GRIA3: variants seen among roughly 807,000 people sequenced by gnomAD.
GRIA3 encodes the protein glutamate ionotropic receptor AMPA type subunit 3.
A neutral mutation model predicts 63.0 loss-of-function variants in GRIA3; 3 were observed. The observed-to-expected ratio is 0.05, with a 90% CI of 0.02 to 0.12. GRIA3 has a LOEUF of 0.12. GRIA3 is among the 10% of genes least tolerant of loss of function. The pLI is 1.00. For synonymous variants in GRIA3, 274 were observed against 257.9 expected, an observed-to-expected ratio of 1.06 and a Z score of -0.60; for missense variants, 347 against 700.9, an observed-to-expected ratio of 0.50 and a Z score of 5.70.
intron 2 of GRIA3, among the ~76,000 whole-genome samples, chrX:123,213,297 T>A (rs111549252): frequency 0.015 from 1,684 of 112,502 alleles, 37 homozygotes; most frequent in African/African-American, 0.051. Context: ...GGTTGTTTCA[T>A]ATGACAGAGC....
chrX:123,286,696 C>T (rs1305544541), intron 3 of GRIA3, among the ~76,000 whole-genome samples: 1 of 111,614 alleles, frequency 9.0e-6, no homozygotes, highest in Non-Finnish European at 1.9e-5. Context: ...CACACACACC[C>T]TTCCAAGACT....
chrX:123,301,125 T>A (rs1459716439), intron 3 of GRIA3, among the ~76,000 whole-genome samples: 1 of 111,243 alleles, frequency 9.0e-6, no homozygotes, highest in African/African-American at 3.3e-5. Context: ...CATGTGCCAA[T>A]GGGAGGAATA....
At chrX:123,457,565 G>A (rs954671346) in intron 12 of GRIA3, among the ~76,000 whole-genome samples, 1 of 112,254 alleles carries the variant, frequency 8.9e-6, no homozygotes, top group Non-Finnish European at 1.9e-5. Flanking sequence ...GTGCCTAAAA[G>A]TATCTTCCCC....
intron 3 of GRIA3, 104 bp from the exon 4 acceptor site, chrX:123,325,922 T>C (rs1036327141): frequency 1.1e-5 from 7 of 661,479 alleles, no homozygotes; most frequent in Non-Finnish European, 1.7e-5. Context: ...CCATAATGGA[T>C]AAGGTTCAAA....
chrX:123,355,009 G>A, intron 5 of GRIA3, 46 bp downstream of exon 5: 1 of 948,364 alleles, frequency 1.1e-6, no homozygotes, highest in Non-Finnish European at 1.5e-6. Flanking sequence ...TATTTAGTTT[G>A]AATTTTTCTG....
chrX:123,305,047 G>T (rs1481096253), intron 3 of GRIA3, among the ~76,000 whole-genome samples: 1 of 111,313 alleles, frequency 9.0e-6, no homozygotes, highest in South Asian at 3.8e-4. Flanking sequence ...GTTCTATAAT[G>T]TTAAATATTT....
At chrX:123,437,774 T>A (rs2045653574) in intron 12 of GRIA3, among the ~76,000 whole-genome samples, 1 of 111,597 alleles carries the variant, frequency 9.0e-6, no homozygotes, top group Non-Finnish European at 1.9e-5. Context: ...CAGTAATCAC[T>A]TATGAAATCT....
intron 12 of GRIA3, among the ~76,000 whole-genome samples, chrX:123,429,689 T>C (rs1227767596): frequency 2.7e-5 from 3 of 111,113 alleles, no homozygotes; most frequent in East Asian, 2.8e-4. Context: ...ACCATCCCAA[T>C]AGGCATGAAG....
chrX:123,192,722 A>G (rs963505280), intron 2 of GRIA3, among the ~76,000 whole-genome samples: 1 of 111,776 alleles, frequency 8.9e-6, no homozygotes, highest in African/African-American at 3.3e-5. Context: ...GCAGGGGAGC[A>G]AGGATAAGAA....
At chrX:123,266,102 A>G (rs112795897) in intron 3 of GRIA3, among the ~76,000 whole-genome samples, 5,416 of 112,093 alleles carry the variant, frequency 0.048, 316 homozygotes, top group African/African-American at 0.17. Context: ...CCTTAAAATA[A>G]AAGGAGTATT....
chrX:123,219,815 A>G (rs1036903046), intron 2 of GRIA3, among the ~76,000 whole-genome samples: 3 of 112,547 alleles, frequency 2.7e-5, no homozygotes, highest in Non-Finnish European at 3.8e-5. Context: ...CACAATTTCA[A>G]AGCTACTGAG....
At chrX:123,231,149 G>C (rs1441767181) in intron 2 of GRIA3, among the ~76,000 whole-genome samples, 1 of 111,776 alleles carries the variant, frequency 8.9e-6, no homozygotes, top group Non-Finnish European at 1.9e-5. Flanking sequence ...CAAAACATTA[G>C]CACCCTGGAG....
intron 15 of GRIA3, 145 bp downstream of exon 15, chrX:123,483,191 G>A: frequency 2.0e-6 from 1 of 509,724 alleles, no homozygotes; most frequent in Non-Finnish European, 3.2e-6. Context: ...AACAATGGTT[G>A]TGCTTTCTTG....
chrX:123,357,259 G>C (rs2045139436), intron 5 of GRIA3, among the ~76,000 whole-genome samples: 2 of 109,942 alleles, frequency 1.8e-5, no homozygotes, highest in Admixed American at 9.8e-5. Context: ...CCTGAAGCTG[G>C]AGGTTGTCAG....
chrX:123,394,720 T>C (rs2045404175), intron 5 of GRIA3, among the ~76,000 whole-genome samples: 1 of 112,588 alleles, frequency 8.9e-6, no homozygotes, highest in African/African-American at 3.2e-5. Flanking sequence ...GCACCTATGT[T>C]TGTCCATGTG....
At chrX:123,324,765 T>C (rs764464701) in intron 3 of GRIA3, among the ~76,000 whole-genome samples, 3 of 111,999 alleles carry the variant, frequency 2.7e-5, no homozygotes, top group Non-Finnish European at 5.6e-5. Flanking sequence ...GGAGTCATAA[T>C]GACCGGCTGA....
chrX:123,308,295 T>C (rs2044767946), intron 3 of GRIA3, among the ~76,000 whole-genome samples: 1 of 112,066 alleles, frequency 8.9e-6, no homozygotes, highest in Non-Finnish European at 1.9e-5. Flanking sequence ...TTCTGGTTCA[T>C]TAAGTCTAGA....
At chrX:123,282,179 G>A (rs963324295) in intron 3 of GRIA3, among the ~76,000 whole-genome samples, 1 of 112,180 alleles carries the variant, frequency 8.9e-6, no homozygotes, top group Non-Finnish European at 1.9e-5. Flanking sequence ...CACTAGCTTA[G>A]GCATCATTTA....
intron 7 of GRIA3, 39 bp downstream of exon 7, chrX:123,398,842 A>G (rs759827764): frequency 9.3e-7 from 1 of 1,077,592 alleles, no homozygotes; most frequent in South Asian, 1.9e-5. Flanking sequence ...GAAGAAACTT[A>G]TAAAGACATA....
Sources: gnomAD v4.1 joint callset for allele counts (sites outside exome capture counted in the v4.1 genomes callset) on GRCh38, gnomAD v4.1.1 for gene constraint, MANE v1.5 for transcripts, NCBI Gene and HGNC (gene_info 2026-07-23, HGNC 2026-07-21) for gene names.